EMC4: variants seen among roughly 807,000 people sequenced by gnomAD.
EMC4 encodes the protein cell proliferation-inducing gene 17 protein.
In EMC4, 9 loss-of-function variants were observed where a neutral mutation model predicts 24.2. The observed-to-expected ratio is 0.37, with a 90% CI of 0.22 to 0.65. EMC4 has a LOEUF of 0.65. EMC4 is among the 30% of genes least tolerant of loss of function. EMC4 has a pLI of 0.59. For synonymous variants in EMC4, 86 were observed against 81.1 expected, an observed-to-expected ratio of 1.06 and a Z score of -0.32; for missense variants, 169 against 234.6, an observed-to-expected ratio of 0.72 and a Z score of 1.83.
chr15:34,229,705 T>TCC (rs1890786854), intron 4 of EMC4, 48 bp from the exon 5 acceptor site: 2 of 1,024,714 alleles, frequency 2.0e-6, no homozygotes, highest in Non-Finnish European at 3.0e-6. Context: ...GAAGTTATTT[T>TCC]AACACTCATT....
rs763607483 is a variant in EMC4 at position 34,229,746 on chromosome 15, C to T, written c.517-7C>T. On this transcript the variant is annotated splice_polypyrimidine_tract_variant and splice_region_variant and intron_variant, in intron 4 of 4. Transcript: ENST00000267750. ...CTCACCTATTTATTCTTTCTTTCTT[C>T]TTTCAGAGAATGGAGTTCAGTGGTG... 3 of 1,531,876 alleles carry T rather than the reference C, an allele frequency of 2.0e-6. No individual in the cohort carries two copies. Among genetic ancestry groups the T allele is most frequent in the Non-Finnish European group, 2.7e-6 (3 of 1,119,734 alleles). The allele number at this position is 1,531,876 out of a possible 1,614,324, so 94.9% of individuals were successfully genotyped here.
chr15:34,229,997 G>C lies in EMC4; in HGVS notation c.*209G>C, dbSNP rs1389280191. 7 of 587,402 alleles carry C rather than the reference G, an allele frequency of 1.2e-5. No homozygotes were observed. The East Asian group carries it at 2.0e-4, about 17-fold the overall frequency. 36.4% of individuals were successfully genotyped at this position (587,402 alleles called of 1,614,324 possible). On this transcript the variant is annotated 3_prime_UTR_variant, in exon 5 of 5. Coordinates refer to ENST00000267750, the MANE Select transcript of EMC4 (RefSeq NM_016454.4). ...AGAAACTATACCATAACCCAAGGCT[G>C]AAAATAATGTAGAAAACTTTATTTT...
Position 34,227,948 on chromosome 15 carries a change from C to A in EMC4, c.355+102C>A, listed in dbSNP as rs2140595423. On this transcript the variant is annotated intron_variant, in intron 3 of 4. Transcript: ENST00000267750. Reference sequence around the variant, plus strand: ...GTAATCCCAGCACTTTGGGAGGCGCCAAGCTGGGTGGATCATCTGAGGGCA... The same window carrying A: ...GTAATCCCAGCACTTTGGGAGGCGCAAAGCTGGGTGGATCATCTGAGGGCA... 10 of 1,231,694 alleles carry A rather than the reference C, an allele frequency of 8.1e-6. No individual in the cohort carries two copies. In the South Asian group the frequency reaches 1.3e-4, roughly 17 times the overall value. The allele number at this position is 1,231,694 out of a possible 1,614,324, so 76.3% of individuals were successfully genotyped here.
In EMC4 at chr15:34,229,450, A is replaced by C. The variant is rs564572573; in HGVS notation, c.517-303A>C. ...CCTCAACCTCCGGGCTCAGGCACTC[A>C]GCCTCTCAAGTAGCTGGGACTACAG... On this transcript the variant is annotated intron_variant, in intron 4 of 4. Coordinates refer to ENST00000267750, the MANE Select transcript of EMC4 (RefSeq NM_016454.4). The C allele has an allele frequency of 2.0e-3, 512 of 254,204 alleles. 5 individuals are homozygous for C. Among genetic ancestry groups the C allele is most frequent in the African/African-American group, 0.011 (493 of 43,952 alleles). The allele number at this position is 254,204 out of a possible 1,614,324, so 15.7% of individuals were successfully genotyped here.
chr15:34,230,066 T>C lies in EMC4; in HGVS notation c.*278T>C. On this transcript the variant is annotated 3_prime_UTR_variant, in exon 5 of 5. Transcript: ENST00000267750. ...AAACAACAACAAAAAAACATAACTATGTAAACAAGAGAATAACTGCTGCTA... is the reference window on the plus strand; with the variant it reads ...AAACAACAACAAAAAAACATAACTACGTAAACAAGAGAATAACTGCTGCTA... 1 of 431,482 alleles carries C rather than the reference T, an allele frequency of 2.3e-6. No homozygotes were observed. The allele number at this position is 431,482 out of a possible 1,614,324, so 26.7% of individuals were successfully genotyped here. A position where few individuals can be genotyped will look rare whatever the true frequency, so the allele number is the denominator to read the frequency against.
chr15:34,225,820 A>C (rs1890637697), intron 2 of EMC4, 170 bp downstream of exon 2: 1 of 680,842 alleles, frequency 1.5e-6, no homozygotes, highest in Admixed American at 2.0e-5. Flanking sequence ...AAAGTGCTTA[A>C]TAATTTGAAA....
At chr15:34,225,719 AG>A in intron 2 of EMC4, 69 bp downstream of exon 2, 1 of 1,217,464 alleles carries the variant, frequency 8.2e-7, no homozygotes, top group Non-Finnish European at 1.2e-6. Context: ...CTCTTCTCCT[AG>A]GTGGAGTTAA....
At chr15:34,227,968 A>G (rs1037346058) in intron 3 of EMC4, 122 bp downstream of exon 3, 14 of 1,045,508 alleles carry the variant, frequency 1.3e-5, no homozygotes, top group Non-Finnish European at 2.0e-5. Flanking sequence ...GGATCATCTG[A>G]GGGCAGGAGT....
chr15:34,225,229 C>G lies in EMC4; in HGVS notation c.86+29C>G, dbSNP rs1463058482. 17 of 1,512,972 alleles carry G rather than the reference C, an allele frequency of 1.1e-5. 1 individual carries two copies. In the Admixed American group the frequency reaches 2.9e-4, roughly 26 times the overall value. 93.7% of individuals were successfully genotyped at this position (1,512,972 alleles called of 1,614,324 possible). ...AGGCACCTGGGCAAGCTGTACATCA[C>G]TGTTCATCCCAGAACTGCACCAGAG... On this transcript the variant is annotated intron_variant, in intron 1 of 4. Coordinates refer to ENST00000267750, the MANE Select transcript of EMC4 (RefSeq NM_016454.4).
At chr15:34,226,489 G>T (rs1890652857) in intron 2 of EMC4, 2 of 151,972 alleles carry the variant, frequency 1.3e-5, no homozygotes, top group South Asian at 2.1e-4. Flanking sequence ...AAATACTTGG[G>T]TTTTTTTCTA....
At position 34,225,069 on chromosome 15, in the gene EMC4, C is replaced by T. The variant is rs1429370658; in HGVS notation, c.-46C>T. 5.4e-6 allele frequency: 8 copies of T among 1,478,208 alleles called. No homozygotes were observed. Among genetic ancestry groups the T allele is most frequent in the Non-Finnish European group, 7.4e-6 (8 of 1,080,038 alleles). 91.6% of individuals were successfully genotyped at this position (1,478,208 alleles called of 1,614,324 possible). A position where few individuals can be genotyped will look rare whatever the true frequency, so the allele number is the denominator to read the frequency against. ...ACGCTGGTGGGCCTGTTGTGGAGTACGCTTTGGACTGAGAAGCATCGAGGC... is the reference window on the plus strand; with the variant it reads ...ACGCTGGTGGGCCTGTTGTGGAGTATGCTTTGGACTGAGAAGCATCGAGGC... On this transcript the variant is annotated 5_prime_UTR_variant, in exon 1 of 5. In the 5' UTR this introduces an upstream ATG that the reference lacks. Coordinates refer to ENST00000267750, the MANE Select transcript of EMC4 (RefSeq NM_016454.4).
At chr15:34,226,696 C>G (rs1475508898) in intron 2 of EMC4, 3 of 152,156 alleles carry the variant, frequency 2.0e-5, no homozygotes, top group Non-Finnish European at 4.4e-5. Flanking sequence ...CACCCACCAC[C>G]ACGTCCAGCT....
At chr15:34,227,668 G>A in intron 2 of EMC4, 25 bp from the exon 3 acceptor site, 1 of 1,610,060 alleles carries the variant, frequency 6.2e-7, no homozygotes, top group East Asian at 2.2e-5. Context: ...TGATCAGAGG[G>A]TTAAAATTGT....
At chr15:34,228,780 G>A (rs1446713628) in intron 4 of EMC4, 191 bp downstream of exon 4, 8 of 424,126 alleles carry the variant, frequency 1.9e-5, no homozygotes, top group Admixed American at 4.4e-5. Context: ...CGCCTCCTGG[G>A]TTCAAGCAAT....
At chr15:34,229,518 A>C (rs2140602493) in intron 4 of EMC4, 1 of 451,348 alleles carries the variant, frequency 2.2e-6, no homozygotes. Flanking sequence ...TTTCTTGTAG[A>C]GACAGGGTTT....
chr15:34,228,902 G>C (rs1437666359), intron 4 of EMC4: 1 of 203,372 alleles, frequency 4.9e-6, no homozygotes, highest in African/African-American at 2.4e-5. Flanking sequence ...TGGCCAGGCT[G>C]GTTTTGAACT....
intron 2 of EMC4, chr15:34,227,252 A>C (rs753723980): frequency 6.5e-6 from 1 of 154,178 alleles, no homozygotes; most frequent in Non-Finnish European, 1.4e-5. Flanking sequence ...ATGTCATTCA[A>C]ATCTTCTATG....
At chr15:34,228,350 T>A in intron 3 of EMC4, 79 bp from the exon 4 acceptor site, 1 of 1,472,686 alleles carries the variant, frequency 6.8e-7, no homozygotes, top group Non-Finnish European at 9.3e-7. Context: ...TCTGTCTATA[T>A]GAATTTAATA....
At chr15:34,228,979 C>A (rs748527593) in intron 4 of EMC4, 7 of 190,776 alleles carry the variant, frequency 3.7e-5, no homozygotes, top group Non-Finnish European at 6.3e-5. Flanking sequence ...TGAGCCACTG[C>A]GCCTGGCCTA....
Sources: allele counts gnomAD v4.1 joint callset, GRCh38; gene constraint gnomAD v4.1.1; transcripts MANE v1.5; gene names NCBI Gene and HGNC (gene_info 2026-07-23, HGNC 2026-07-21).